Variants in SAMD4A observed in about 807,000 individuals in gnomAD.
SAMD4A encodes protein Smaug homolog 1.
SAMD4A carries 33 observed loss-of-function variants against 81.3 expected under a neutral mutation model. The ratio of observed to expected loss-of-function variants is 0.41; its 90% confidence interval spans 0.31 to 0.54. The LOEUF is 0.54. SAMD4A is among the 20% of genes least tolerant of loss of function. The pLI is 0.37. For synonymous variants in SAMD4A, 389 were observed against 382.1 expected (o/e 1.02, Z -0.21); for missense variants, 854 against 951.1 (o/e 0.90, Z 1.34).
intron 9 of SAMD4A, 100 bp from the exon 10 acceptor site, chr14:54,774,834 A>T: frequency 2.0e-6 from 2 of 991,508 alleles, no homozygotes; most frequent in Non-Finnish European, 2.9e-6. Context: ...AAAAAAAAAA[A>T]ATGAGGAGAC....
chr14:54,768,231 G>A (rs953441838), intron 8 of SAMD4A, among the ~76,000 whole-genome samples: 25 of 152,084 alleles, frequency 1.6e-4, no homozygotes, highest in Admixed American at 1.1e-3. Context: ...ATGAACAGCC[G>A]TATACCACCA....
At chr14:54,568,690 CAT>C (rs59190435) in intron 2 of SAMD4A, among the ~76,000 whole-genome samples, 99 of 31,854 alleles carry the variant, frequency 3.1e-3, no homozygotes, top group Non-Finnish European at 4.1e-3. Flanking sequence ...ACATTTGCAG[CAT>C]ATATATATAT....
chr14:54,713,456 A>T (rs1390976047), intron 3 of SAMD4A, among the ~76,000 whole-genome samples: 1 of 152,162 alleles, frequency 6.6e-6, no homozygotes, highest in African/African-American at 2.4e-5. Flanking sequence ...GGGCTCCAAA[A>T]TCTGGAAAAT....
intron 6 of SAMD4A, 109 bp from the exon 7 acceptor site, chr14:54,760,052 A>G: frequency 9.0e-7 from 1 of 1,116,222 alleles, no homozygotes; most frequent in Non-Finnish European, 1.3e-6. Context: ...TGATGAGGGT[A>G]CCAGCAGCCA....
chr14:54,691,466 G>A (rs2036437156), intron 2 of SAMD4A, among the ~76,000 whole-genome samples: 1 of 144,736 alleles, frequency 6.9e-6, no homozygotes. Context: ...TTAGAGAAGT[G>A]CATTCTTCAC....
rs546617416 is a variant in SAMD4A at position 54,774,813 on chromosome 14, CAAAAAA to C, written c.1716-104_1716-99del. On this transcript the variant is annotated intron_variant, in intron 9 of 12. Coordinates refer to ENST00000554335, the MANE Select transcript of SAMD4A (RefSeq NM_015589.6). ...TGGGTAACAGAGTGAGACCCTGACTCAAAAAAAAAAAAAAAAAAAAAATGAGGAGAC... is the reference window on the plus strand; with the variant it reads ...TGGGTAACAGAGTGAGACCCTGACTCAAAAAAAAAAAAAAAATGAGGAGAC... 3,000 of 640,158 alleles carry C rather than the reference CAAAAAA, an allele frequency of 4.7e-3. 1 individual carries two copies. Among genetic ancestry groups the C allele is most frequent in the Non-Finnish European group, 5.7e-3 (2,345 of 410,542 alleles). The allele number at this position is 640,158 out of a possible 1,614,324, so 39.7% of individuals were successfully genotyped here.
chr14:54,764,538 G>C lies in SAMD4A; in HGVS notation c.1594G>C (p.Glu532Gln). ...LQLIDKCLIH[E>Q]AFTETQKKRL... is the part of the protein sequence containing the mutation. ...GCTCATAGACAAGTGTCTAATTCAT[G>C]AGGTGAGTAGTGACAGGTTTTACAA... The change falls in exon 8 of 13, where the codon GAG becomes CAG. Residue 532 changes from glutamate (E) to glutamine (Q), a missense_variant and splice_region_variant. This residue lies in a region of SAMD4A where 428 missense variants were observed against 471.2 expected (regional missense o/e 0.91). Coordinates refer to ENST00000554335, the MANE Select transcript of SAMD4A (RefSeq NM_015589.6). 6.3e-7 allele frequency: 1 copy of C among 1,597,910 alleles called. No homozygotes were observed. Among genetic ancestry groups the C allele is most frequent in the Non-Finnish European group, 8.5e-7 (1 of 1,170,800 alleles).
intron 2 of SAMD4A, among the ~76,000 whole-genome samples, chr14:54,643,250 C>A (rs974203976): frequency 2.0e-5 from 3 of 152,238 alleles, no homozygotes; most frequent in African/African-American, 7.2e-5. Context: ...ATACACCTTT[C>A]CAAATGGTCT....
intron 3 of SAMD4A, chr14:54,703,276 C>G (rs1045970776): frequency 1.3e-5 from 2 of 152,262 alleles, no homozygotes; most frequent in African/African-American, 4.8e-5. Flanking sequence ...GGACAGCCCT[C>G]TGCTCTTTTG....
At chr14:54,568,733 A>G (rs1196420735) in intron 2 of SAMD4A, among the ~76,000 whole-genome samples, 1 of 117,750 alleles carries the variant, frequency 8.5e-6, no homozygotes, top group Non-Finnish European at 1.8e-5. Context: ...ATATATATAT[A>G]TATATATAAT....
intron 2 of SAMD4A, among the ~76,000 whole-genome samples, chr14:54,698,635 G>A (rs1000211486): frequency 2.6e-5 from 4 of 152,252 alleles, no homozygotes; most frequent in East Asian, 1.9e-4. Context: ...GGCAGCTGGA[G>A]TAGTAGCAGA....
chr14:54,616,874 GA>G (rs1296498257), intron 2 of SAMD4A, among the ~76,000 whole-genome samples: 2 of 152,178 alleles, frequency 1.3e-5, no homozygotes, highest in African/African-American at 4.8e-5. Flanking sequence ...TCCATTTAAT[GA>G]GGTACTAATG....
At chr14:54,579,924 T>C (rs2033417010) in intron 2 of SAMD4A, among the ~76,000 whole-genome samples, 1 of 152,252 alleles carries the variant, frequency 6.6e-6, no homozygotes, top group Non-Finnish European at 1.5e-5. Context: ...CTGAGGGCTG[T>C]AAATTAAAAT....
At chr14:54,590,611 C>A (rs1314629807) in intron 2 of SAMD4A, among the ~76,000 whole-genome samples, 1 of 152,200 alleles carries the variant, frequency 6.6e-6, no homozygotes, top group Admixed American at 6.5e-5. Flanking sequence ...CCTCTCCTCT[C>A]CTCTCTTCTC....
chr14:54,568,266 G>C (rs1043068422), intron 2 of SAMD4A, among the ~76,000 whole-genome samples, 154 bp downstream of exon 2: 1 of 149,336 alleles, frequency 6.7e-6, no homozygotes, highest in African/African-American at 2.5e-5. Context: ...CACCCCCTCC[G>C]GGTGTCCCCC....
At chr14:54,607,518 C>T (rs1028876082) in intron 2 of SAMD4A, among the ~76,000 whole-genome samples, 26 of 150,560 alleles carry the variant, frequency 1.7e-4, no homozygotes, top group Admixed American at 5.9e-4. Context: ...TGCAGTGGCA[C>T]GATCTCTGCT....
At chr14:54,658,708 C>T (rs1449782445) in intron 2 of SAMD4A, among the ~76,000 whole-genome samples, 3 of 152,210 alleles carry the variant, frequency 2.0e-5, no homozygotes, top group Non-Finnish European at 2.9e-5. Flanking sequence ...GGAACTTCTC[C>T]GAATACCGTG....
At chr14:54,710,072 A>G (rs1321474582) in intron 3 of SAMD4A, among the ~76,000 whole-genome samples, 1 of 152,160 alleles carries the variant, frequency 6.6e-6, no homozygotes, top group African/African-American at 2.4e-5. Context: ...TGCATTATTG[A>G]CATTTGGATT....
At chr14:54,572,452 A>G (rs1341556584) in intron 2 of SAMD4A, among the ~76,000 whole-genome samples, 1 of 152,240 alleles carries the variant, frequency 6.6e-6, no homozygotes, top group Non-Finnish European at 1.5e-5. Flanking sequence ...TACATGCATG[A>G]TCCTCTGAGA....
Sources: gnomAD v4.1 joint callset for allele counts (sites outside exome capture counted in the v4.1 genomes callset) on GRCh38, gnomAD v4.1.1 for gene constraint, gnomAD v4.1.1 regional missense constraint, MANE v1.5 for transcripts, NCBI Gene and HGNC (gene_info 2026-07-23, HGNC 2026-07-21) for gene names.